The following VSX1 variants were observed in gnomAD, a reference collection of about 807,000 sequenced individuals.
VSX1 encodes the protein visual system homeobox 1, also known as homeodomain protein RINX.
A neutral mutation model predicts 23.6 loss-of-function variants in VSX1; 23 were observed. That is an observed-to-expected ratio of 0.97 (90% CI 0.70 to 1.38). The LOEUF (loss-of-function observed/expected upper bound fraction) is 1.38, where lower values mean the gene tolerates loss of function less well. VSX1 is among the 40% of genes most tolerant of loss of function. The pLI is 0.00. For synonymous variants in VSX1, 247 were observed against 215.1 expected (o/e 1.15, Z -1.30); for missense variants, 517 against 495.4 (o/e 1.04, Z -0.41).
intron 3 of VSX1, chr20:25,078,563 A>AT: frequency 8.0e-7 from 1 of 1,246,888 alleles, no homozygotes; most frequent in Non-Finnish European, 1.0e-6. Context: ...TTTTTTTTTC[A>AT]TTGACATATC....
intron 3 of VSX1, 101 bp downstream of exon 3, chr20:25,078,728 C>A: frequency 6.2e-7 from 1 of 1,613,624 alleles, no homozygotes; most frequent in Middle Eastern, 1.7e-4. Flanking sequence ...GCAAAGGGAG[C>A]GTGTTGGCTA....
intron 1 of VSX1, chr20:25,081,427 A>T (rs778913765): frequency 1.3e-6 from 1 of 760,818 alleles, no homozygotes; most frequent in Non-Finnish European, 2.4e-6. Flanking sequence ...ACCCGGAACC[A>T]GGTGGTGGCG....
In VSX1 at chr20:25,079,017, TA is replaced by T. The variant is rs1265222626; in HGVS notation, c.504-66del. The T allele has an allele frequency of 2.5e-6, 4 of 1,602,794 alleles. No homozygotes were observed. The Admixed American group carries it at 6.7e-5, about 27-fold the overall frequency. Reference sequence around the variant, plus strand: ...CTGGGGACAGCAGCCTCCCTGGCCTTAAGGACCACCGTGCCTGCTTCCTCTG... The same window carrying T: ...CTGGGGACAGCAGCCTCCCTGGCCTTAGGACCACCGTGCCTGCTTCCTCTG... On this transcript the variant is annotated intron_variant, in intron 2 of 4. Transcript: ENST00000376709.
At chr20:25,074,367 T>G (rs988690172), downstream of VSX1, among the ~76,000 whole-genome samples, 53 of 152,196 alleles carry the variant, frequency 3.5e-4, no homozygotes, top group African/African-American at 1.3e-3. Flanking sequence ...CATTATAAAA[T>G]ATTAACCTGC....
chr20:25,073,157 A>G (rs1455718383), downstream of VSX1, among the ~76,000 whole-genome samples: 1 of 152,194 alleles, frequency 6.6e-6, no homozygotes, highest in Non-Finnish European at 1.5e-5. Context: ...AAAAATTTTC[A>G]TATGATATTT....
rs1335637271 is a variant in VSX1 at position 25,079,967 on chromosome 20, AT to A, written c.425-454del. ...TCATCATCTTAACCTCTACACCAAC[AT>A]TTCCCAAAGGAAGTCTGGGGCTTGT... On this transcript the variant is annotated intron_variant, in intron 1 of 4. Transcript: ENST00000376709. Among the ~76,000 whole-genome samples, 5 of 152,024 alleles carry A rather than the reference AT, an allele frequency of 3.3e-5. No individual in the cohort carries two copies. The East Asian group carries it at 9.6e-4, about 29-fold the overall frequency.
downstream of VSX1, chr20:25,071,347 C>T (rs138530407): frequency 5.6e-4 from 255 of 454,002 alleles, 1 homozygote; most frequent in African/African-American, 4.7e-3. Context: ...GTGGCTCACG[C>T]TGTAATCCTA....
Position 25,081,751 on chromosome 20 carries a change from G to A in VSX1, c.346C>T (p.Pro116Ser), listed in dbSNP as rs1206684680. The A allele has an allele frequency of 2.0e-6, 3 of 1,500,238 alleles. No individual in the cohort carries two copies. Among genetic ancestry groups the A allele is most frequent in the Non-Finnish European group, 2.6e-6 (3 of 1,132,866 alleles). The allele number at this position is 1,500,238 out of a possible 1,614,324, so 92.9% of individuals were successfully genotyped here. ...VPFLPPRGPE[P>S]AAPLAPSRPP... ...CGGCTGGGAGCCAGCGGGGCAGCGG[G>A]CTCGGGGCCCCTGGGCGGCAGGAAC... The change falls in exon 1 of 5, where the codon CCC becomes TCC. Residue 116 changes from proline (P) to serine (S), a missense_variant. Coordinates refer to ENST00000376709, the MANE Select transcript of VSX1 (RefSeq NM_014588.6).
downstream of VSX1, chr20:25,071,002 G>A (rs1352787157): frequency 2.2e-6 from 1 of 454,124 alleles, no homozygotes; most frequent in East Asian, 6.9e-5. Context: ...ATGTCAGTAT[G>A]AGACAACAGA....
rs941797381 is a variant in VSX1, at chr20:25,081,661, G to A, written c.424+12C>T. ...GGACAGGGGCAGGAGCGGAAAGCGC[G>A]GGCCTGATTACCGGACGTGGAGACG... On this transcript the variant is annotated intron_variant, in intron 1 of 4. Coordinates refer to ENST00000376709, the MANE Select transcript of VSX1 (RefSeq NM_014588.6). The A allele has an allele frequency of 5.3e-6, 8 of 1,523,468 alleles. No individual in the cohort carries two copies. The highest frequency in any genetic ancestry group is 2.0e-5 in the Admixed American group (1 of 49,756). The allele number at this position is 1,523,468 out of a possible 1,614,324, so 94.4% of individuals were successfully genotyped here. A position where few individuals can be genotyped will look rare whatever the true frequency, so the allele number is the denominator to read the frequency against.
rs1343571092 is a variant in VSX1, at chr20:25,076,368, A to G, written c.991T>C (p.Ser331Pro). 4 of 1,614,120 alleles carry G rather than the reference A, an allele frequency of 2.5e-6. No individual in the cohort carries two copies. The South Asian group carries it at 4.4e-5, about 18-fold the overall frequency. ...LEDVAIDLSS[S>P]ARQETKKVHP... ...ACTTTCTTGGTCTCCTGCCGGGCAGAGCTGGAGAGGTCAATAGCCACATCT... is the reference window on the plus strand; with the variant it reads ...ACTTTCTTGGTCTCCTGCCGGGCAGGGCTGGAGAGGTCAATAGCCACATCT... The change falls in exon 5 of 5, where the codon TCT becomes CCT. Residue 331 changes from serine to proline, a missense_variant. Physicochemically the swap from Ser to Pro is moderately conservative, Grantham distance 74 (BLOSUM62 -1). Coordinates refer to ENST00000376709, the MANE Select transcript of VSX1 (RefSeq NM_014588.6).
chr20:25,077,920 G>T, intron 3 of VSX1, 55 bp from the exon 4 acceptor site: 3 of 1,540,554 alleles, frequency 1.9e-6, no homozygotes, highest in Non-Finnish European at 2.6e-6. Flanking sequence ...GAAGAGGGGC[G>T]CCTGGAGGAG....
Position 25,076,269 on chromosome 20 carries a change from C to T in VSX1, c.1090G>A (p.Ala364Thr), listed in dbSNP as rs752960028. 6.2e-7 allele frequency: 1 copy of T among 1,614,142 alleles called. No homozygotes were observed. Among genetic ancestry groups the T allele is most frequent in the South Asian group, 1.1e-5 (1 of 91,082 alleles). ...LEGPQPGKVGAT is the reference protein window; with the variant it reads ...LEGPQPGKVGTT ...AGTGGGACCTGTGGGTCTCATGTGG[C>T]TCCCACCTTCCCTGGCTGGGGCCCC... Residue 364 changes from alanine to threonine, a missense_variant, in exon 5 of 5, where the codon GCC becomes ACC. Coordinates refer to ENST00000376709, the MANE Select transcript of VSX1 (RefSeq NM_014588.6).
downstream of VSX1, among the ~76,000 whole-genome samples, chr20:25,073,285 A>C (rs549552161): frequency 6.6e-6 from 1 of 152,292 alleles, no homozygotes; most frequent in South Asian, 2.1e-4. Context: ...TACAAAACTT[A>C]GAACATATTT....
chr20:25,079,039 C>G, intron 2 of VSX1, 87 bp from the exon 3 acceptor site: 1 of 1,535,446 alleles, frequency 6.5e-7, no homozygotes, highest in Non-Finnish European at 9.0e-7. Context: ...TGCCTGCTTC[C>G]TCTGCTGTCC....
downstream of VSX1, chr20:25,072,444 A>G: frequency 2.2e-6 from 1 of 454,126 alleles, no homozygotes; most frequent in Admixed American, 2.4e-5. Flanking sequence ...TTCCTGCTGC[A>G]TGGGTCCATT....
Position 25,076,378 on chromosome 20 carries a change from G to A in VSX1, c.981C>T (p.Asp327=), listed in dbSNP as rs1271040545. The part of the protein sequence containing the change: ...PENGLEDVAI[D]LSSSARQETK... ...TCTCCTGCCGGGCAGAGCTGGAGAGGTCAATAGCCACATCTTCCAAGCCAT... is the reference window on the plus strand; with the variant it reads ...TCTCCTGCCGGGCAGAGCTGGAGAGATCAATAGCCACATCTTCCAAGCCAT... Residue 327 remains aspartate, a synonymous_variant, in exon 5 of 5, where the codon GAC becomes GAT. Coordinates refer to ENST00000376709, the MANE Select transcript of VSX1 (RefSeq NM_014588.6). The A allele has an allele frequency of 1.9e-6, 3 of 1,614,104 alleles. No homozygotes were observed. The highest frequency in any genetic ancestry group is 1.7e-5 in the Admixed American group (1 of 60,026).
downstream of VSX1, among the ~76,000 whole-genome samples, chr20:25,073,537 G>A (rs370970319): frequency 6.6e-6 from 1 of 152,152 alleles, no homozygotes; most frequent in Non-Finnish European, 1.5e-5. Context: ...AAGAGCGGGG[G>A]CTGGCCACGA....
At chr20:25,078,709 A>C (rs371478673) in intron 3 of VSX1, 120 bp downstream of exon 3, 1 of 1,611,506 alleles carries the variant, frequency 6.2e-7, no homozygotes, top group African/African-American at 1.3e-5. Context: ...AGGGACCCTC[A>C]GTTTCTATGC....
Sources: gnomAD v4.1 joint callset for allele counts (sites outside exome capture counted in the v4.1 genomes callset) on GRCh38, gnomAD v4.1.1 for gene constraint, MANE v1.5 for transcripts, NCBI Gene and HGNC (gene_info 2026-07-23, HGNC 2026-07-21) for gene names.